Variants in PDZD4 observed in about 807,000 individuals in gnomAD.
The protein encoded by PDZD4 is PDZ domain-containing protein 4.
PDZD4 carries 9 observed loss-of-function variants against 38.5 expected under a neutral mutation model. The ratio of observed to expected loss-of-function variants is 0.23; its 90% CI spans 0.14 to 0.41. The LOEUF is 0.41. Ranked by LOEUF, PDZD4 falls within the 10% of genes least tolerant of loss-of-function variation. The pLI is 1.00. For synonymous variants in PDZD4, 349 were observed against 315.7 expected (o/e 1.11, Z -1.12); for missense variants, 612 against 722.0 (o/e 0.85, Z 1.75).
chrX:153,819,512 G>T (rs1036228940), intron 1 of PDZD4, among the ~76,000 whole-genome samples: 62 of 111,900 alleles, frequency 5.5e-4, no homozygotes, highest in African/African-American at 2.0e-3. Context: ...CCACGGAGGT[G>T]GGGGGGCTGC....
chrX:153,815,588 A>G (rs2064352762), intron 1 of PDZD4, among the ~76,000 whole-genome samples: 1 of 112,888 alleles, frequency 8.9e-6, no homozygotes, highest in African/African-American at 3.2e-5. Context: ...TGGATATTAC[A>G]TGAATTTAAT....
chrX:153,802,981 G>A lies in PDZD4; in HGVS notation c.*372C>T, dbSNP rs1557075057. On this transcript the variant is annotated 3_prime_UTR_variant, in exon 8 of 8. Coordinates refer to ENST00000393758, the MANE Select transcript of PDZD4 (RefSeq NM_001303512.2). ...GTGCTCCTTTCAGCTCAGCTTCCCT[G>A]TCTGCAAGTACACGGGTCGGGTGGA... 1 of 149,322 alleles carries A rather than the reference G, an allele frequency of 6.7e-6. No homozygotes were observed. Among genetic ancestry groups the A allele is most frequent in the Non-Finnish European group, 1.3e-5 (1 of 77,267 alleles). 12.3% of individuals were successfully genotyped at this position (149,322 alleles called of 1,213,427 possible).
At chrX:153,829,793 G>C in intron 1 of PDZD4, 1 of 757,028 alleles carries the variant, frequency 1.3e-6, no homozygotes, top group Non-Finnish European at 1.6e-6. Context: ...AGTGGGTGTC[G>C]GGGTGGGCAC....
chrX:153,810,079 AAC>A (rs1303697790), intron 1 of PDZD4, among the ~76,000 whole-genome samples: 1 of 112,580 alleles, frequency 8.9e-6, no homozygotes, highest in African/African-American at 3.2e-5. Context: ...AGAAGGACTG[AAC>A]AGACTCCACC....
At chrX:153,817,655 A>G (rs782114778) in intron 1 of PDZD4, among the ~76,000 whole-genome samples, 9 of 112,328 alleles carry the variant, frequency 8.0e-5, no homozygotes, top group Non-Finnish European at 1.3e-4. Context: ...ACTAAAAGTC[A>G]CTAGTGGTAA....
rs781875223 is a variant in PDZD4 at position 153,804,171 on chromosome X, C to T, written c.1510G>A (p.Gly504Ser). The T allele has an allele frequency of 1.1e-5, 13 of 1,176,469 alleles. No individual in the cohort carries two copies. The South Asian group carries it at 1.1e-4, about 10-fold the overall frequency. ...GGGGTCCGGTTCAAGTTGGAGTTGC[C>T]GGCCATGGCCCGCCGCAGGGGGCTC... ...PESPLRRAMA[G>S]NSNLNRTPPG... Residue 504 changes from glycine (G) to serine (S), a missense_variant, in exon 8 of 8, where the codon GGC (glycine) becomes AGC (serine). Gly to Ser is a moderately conservative substitution (Grantham distance 56). Transcript: ENST00000393758.
chrX:153,823,700 C>T (rs1387211252), intron 1 of PDZD4, among the ~76,000 whole-genome samples: 1 of 112,349 alleles, frequency 8.9e-6, no homozygotes, highest in Non-Finnish European at 1.9e-5. Context: ...GCAGCAACTC[C>T]CTCCTCCACC....
chrX:153,806,415 A>T (rs1455481507), intron 4 of PDZD4, among the ~76,000 whole-genome samples: 1 of 112,505 alleles, frequency 8.9e-6, no homozygotes, highest in African/African-American at 3.2e-5. Flanking sequence ...CTTTAGTGGG[A>T]TGCTACTAGT....
chrX:153,822,667 CTTTCTCTCTG>C (rs1336227622), intron 1 of PDZD4, among the ~76,000 whole-genome samples: 1 of 108,005 alleles, frequency 9.3e-6, no homozygotes, highest in Non-Finnish European at 1.9e-5. Context: ...CTCTCTCTCT[CTTTCTCTCTG>C]TCTTTCTTTC....
rs369369481 is a variant in PDZD4 at position 153,804,614 on chromosome X, G to T, written c.1067C>A (p.Thr356Lys). The T allele has an allele frequency of 8.3e-7, 1 of 1,209,502 alleles. No homozygotes were observed. The highest frequency in any genetic ancestry group is 1.7e-5 in the African/African-American group (1 of 57,903). The change falls in exon 8 of 8, where the codon ACG becomes AAG. Residue 356 changes from threonine (T) to lysine (K), a missense_variant. Transcript: ENST00000393758. The part of the protein sequence containing the change: ...GLGGGDVPGL[T>K]DEEYERYREL... ...ACGGTAGCGCTCATACTCCTCATCC[G>T]TGAGGCCCGGGACGTCGCCCCCTCC...
intron 1 of PDZD4, 76 bp from the exon 2 acceptor site, chrX:153,808,671 G>C: frequency 9.5e-7 from 1 of 1,054,261 alleles, no homozygotes; most frequent in Non-Finnish European, 1.2e-6. Context: ...AGAGGCCCTA[G>C]CTGGCAGGAC....
chrX:153,805,427 G>A (rs1240270897), intron 6 of PDZD4, 78 bp downstream of exon 6: 2 of 616,573 alleles, frequency 3.2e-6, no homozygotes, highest in Non-Finnish European at 5.0e-6. Context: ...GCACATCTGT[G>A]CCCTAGTCAC....
chrX:153,812,825 C>A (rs1364143809), intron 1 of PDZD4, among the ~76,000 whole-genome samples: 1 of 109,431 alleles, frequency 9.1e-6, no homozygotes, highest in African/African-American at 3.3e-5. Context: ...CCCCGCCCCA[C>A]CCCCAACCAT....
chrX:153,820,331 C>T (rs1557080986), intron 1 of PDZD4, among the ~76,000 whole-genome samples: 1 of 75,698 alleles, frequency 1.3e-5, no homozygotes, highest in Non-Finnish European at 2.3e-5. Context: ...GCCTGGGCGA[C>T]AGAGCAAGAC....
At chrX:153,813,063 G>A (rs1603264228) in intron 1 of PDZD4, among the ~76,000 whole-genome samples, 2 of 109,946 alleles carry the variant, frequency 1.8e-5, no homozygotes, top group Non-Finnish European at 3.8e-5. Context: ...AATTCCAATT[G>A]GATCAAAGAC....
chrX:153,830,448 C>G lies in PDZD4; in HGVS notation c.-150G>C, dbSNP rs1182556292. On this transcript the variant is annotated 5_prime_UTR_variant, in exon 1 of 8. Coordinates refer to ENST00000393758, the MANE Select transcript of PDZD4 (RefSeq NM_001303512.2). ...CTAGCGGGGGAGGGGGGCACGCCCC[C>G]GAGGTGGGGGCAGCGGCTCGCCCCT... The G allele has an allele frequency of 7.0e-6, 3 of 426,546 alleles. No homozygotes were observed. The allele number at this position is 426,546 out of a possible 1,213,427, so 35.2% of individuals were successfully genotyped here. A position where few individuals can be genotyped will look rare whatever the true frequency, so the allele number is the denominator to read the frequency against.
At chrX:153,819,518 G>A (rs2064399682) in intron 1 of PDZD4, among the ~76,000 whole-genome samples, 1 of 112,204 alleles carries the variant, frequency 8.9e-6, no homozygotes, top group African/African-American at 3.2e-5. Context: ...AGGTGGGGGG[G>A]CTGCCACCTT....
In PDZD4 at chrX:153,830,380, G is replaced by C; in HGVS notation, c.-82C>G. On this transcript the variant is annotated 5_prime_UTR_variant, in exon 1 of 8. Transcript: ENST00000393758. ...CCCGGGCGCGGGACCTCGGGTCCCG[G>C]GCCGGGGCCAGGGGCCATACCCTGG... The C allele has an allele frequency of 2.1e-6, 2 of 970,864 alleles. No individual in the cohort carries two copies. Among genetic ancestry groups the C allele is most frequent in the Non-Finnish European group, 2.9e-6 (2 of 689,738 alleles). The allele number at this position is 970,864 out of a possible 1,213,427, so 80.0% of individuals were successfully genotyped here.
chrX:153,809,315 G>C (rs375484187), intron 1 of PDZD4, among the ~76,000 whole-genome samples: 1 of 112,841 alleles, frequency 8.9e-6, no homozygotes, highest in Non-Finnish European at 1.9e-5. Flanking sequence ...GGCCGGGTGC[G>C]GTGGCTCACG....
Sources: allele counts gnomAD v4.1 joint callset (sites outside exome capture counted in the v4.1 genomes callset), GRCh38; gene constraint gnomAD v4.1.1; transcripts MANE v1.5; gene names NCBI Gene and HGNC (gene_info 2026-07-23, HGNC 2026-07-21).